Variants in IGF2BP2 observed in about 807,000 individuals in gnomAD.
IGF2BP2 encodes the protein insulin like growth factor 2 mRNA binding protein 2, also known as insulin-like growth factor 2 mRNA-binding protein 2.
Under a neutral mutation model 75.8 loss-of-function variants are expected in IGF2BP2, and 17 were observed. The ratio of observed to expected loss-of-function variants is 0.22; its 90% CI spans 0.15 to 0.34. IGF2BP2 has a LOEUF of 0.34. Ranked by LOEUF, IGF2BP2 falls within the 10% of genes least tolerant of loss-of-function variation. The pLI is 1.00. For synonymous variants in IGF2BP2, 288 were observed against 295.6 expected, an observed-to-expected ratio of 0.97 and a Z score of 0.26; for missense variants, 516 against 772.4, an observed-to-expected ratio of 0.67 and a Z score of 3.93.
At chr3:185,665,847 G>T (rs991624954) in intron 10 of IGF2BP2, among the ~76,000 whole-genome samples, 1 of 152,114 alleles carries the variant, frequency 6.6e-6, no homozygotes, top group South Asian at 2.1e-4. Flanking sequence ...CATGCCTGTA[G>T]TCCCAGCTAC....
chr3:185,718,840 C>T (rs993281239), intron 2 of IGF2BP2, among the ~76,000 whole-genome samples: 1 of 152,142 alleles, frequency 6.6e-6, no homozygotes. Context: ...GCAGAAGTGA[C>T]ACCAAGGTAA....
At chr3:185,668,504 G>GATATATATAT (rs199744636) in intron 10 of IGF2BP2, among the ~76,000 whole-genome samples, 3 of 123,026 alleles carry the variant, frequency 2.4e-5, no homozygotes, top group African/African-American at 9.6e-5. Context: ...GAGAGAGAGA[G>GATATATATAT]AGAGATATAT....
intron 2 of IGF2BP2, among the ~76,000 whole-genome samples, chr3:185,782,365 C>T (rs1049924765): frequency 5.3e-5 from 8 of 152,044 alleles, no homozygotes; most frequent in African/African-American, 1.9e-4. Flanking sequence ...CAAAATCTAC[C>T]CCTTTTCCTC....
At chr3:185,689,967 C>CAAAAAAAAAAAAAAAAAAAA (rs5855070) in intron 5 of IGF2BP2, among the ~76,000 whole-genome samples, 1 of 118,218 alleles carries the variant, frequency 8.5e-6, no homozygotes, top group Non-Finnish European at 1.8e-5. Flanking sequence ...GACTCCGTCT[C>CAAAAAAAAAAAAAAAAAAAA]AAAAAAAAAA....
chr3:185,777,515 T>C (rs1437055113), intron 2 of IGF2BP2, among the ~76,000 whole-genome samples: 1 of 151,428 alleles, frequency 6.6e-6, no homozygotes, highest in Non-Finnish European at 1.5e-5. Flanking sequence ...AATAACAAAA[T>C]CACCAAACTT....
chr3:185,807,439 C>G (rs1440459626), intron 2 of IGF2BP2, among the ~76,000 whole-genome samples: 21 of 152,146 alleles, frequency 1.4e-4, no homozygotes, highest in Admixed American at 1.4e-3. Context: ...ATTCAGTAAT[C>G]AGTAATTATT....
intron 2 of IGF2BP2, among the ~76,000 whole-genome samples, chr3:185,812,803 G>C (rs1740082844): frequency 6.6e-6 from 1 of 152,102 alleles, no homozygotes; most frequent in Admixed American, 6.5e-5. Context: ...CATAAATTTG[G>C]CATCTCCTTG....
At chr3:185,729,611 C>T (rs1727864140) in intron 2 of IGF2BP2, 1 of 152,160 alleles carries the variant, frequency 6.6e-6, no homozygotes, top group African/African-American at 2.4e-5. Context: ...TATAATGCTA[C>T]AAAACCCTGC....
chr3:185,704,203 C>T (rs974405296), intron 2 of IGF2BP2, among the ~76,000 whole-genome samples: 9 of 152,180 alleles, frequency 5.9e-5, no homozygotes, highest in African/African-American at 1.9e-4. Context: ...GTATGCTAAC[C>T]GGCCCCGAGC....
Position 185,687,210 on chromosome 3 carries a change from G to A in IGF2BP2, c.678-19C>T, listed in dbSNP as rs886204018. ...ATCTACCCTGTAGGAAAAGAATCAGGAGCCATGATTACAAGGTCATCTGGA... is the reference window on the plus strand; with the variant it reads ...ATCTACCCTGTAGGAAAAGAATCAGAAGCCATGATTACAAGGTCATCTGGA... On this transcript the variant is annotated intron_variant, in intron 6 of 15. Coordinates refer to ENST00000382199, the MANE Select transcript of IGF2BP2 (RefSeq NM_006548.6). 6.3e-7 allele frequency: 1 copy of A among 1,593,258 alleles called. No individual in the cohort carries two copies. The highest frequency in any genetic ancestry group is 8.5e-7 in the Non-Finnish European group (1 of 1,174,132).
chr3:185,807,201 C>T (rs1280580174), intron 2 of IGF2BP2, among the ~76,000 whole-genome samples: 2 of 151,962 alleles, frequency 1.3e-5, no homozygotes, highest in Non-Finnish European at 2.9e-5. Context: ...AGAAAGGGAA[C>T]AATTAAACTG....
intron 2 of IGF2BP2, among the ~76,000 whole-genome samples, chr3:185,771,935 C>T (rs1468686061): frequency 2.0e-5 from 3 of 152,104 alleles, no homozygotes; most frequent in South Asian, 2.1e-4. Context: ...TATCCTGGAA[C>T]CCTGTCACTG....
intron 2 of IGF2BP2, among the ~76,000 whole-genome samples, chr3:185,798,449 CTG>C (rs1215531371): frequency 2.0e-5 from 3 of 152,328 alleles, no homozygotes; most frequent in African/African-American, 7.2e-5. Context: ...ATTCAGGAAA[CTG>C]TGTTTCTATG....
intron 10 of IGF2BP2, among the ~76,000 whole-genome samples, chr3:185,660,552 G>T (rs1025301670): frequency 6.6e-6 from 1 of 152,164 alleles, no homozygotes; most frequent in Non-Finnish European, 1.5e-5. Flanking sequence ...CACTTAACAC[G>T]GCTGTAGTGA....
intron 10 of IGF2BP2, among the ~76,000 whole-genome samples, chr3:185,672,316 T>C (rs992177906): frequency 3.3e-5 from 5 of 152,240 alleles, no homozygotes; most frequent in African/African-American, 7.2e-5. Flanking sequence ...TTGCTAGTTA[T>C]GACATACTAT....
intron 2 of IGF2BP2, among the ~76,000 whole-genome samples, chr3:185,806,209 C>G (rs1260353775): frequency 1.3e-5 from 2 of 152,142 alleles, no homozygotes; most frequent in Non-Finnish European, 2.9e-5. Flanking sequence ...TATCATTTGA[C>G]TGTTTTGTGA....
In IGF2BP2 at chr3:185,821,637, A is replaced by AT. The variant is rs58917979; in HGVS notation, c.239+1515dup. ...CACCAACTAAGATAAAATTCTAGTA[A>AT]TTTTTTTTTTTACTAATTATAACCC... On this transcript the variant is annotated intron_variant, in intron 2 of 15. Transcript: ENST00000382199. 5.6e-3 allele frequency among the ~76,000 whole-genome samples: 829 copies of AT among 149,224 alleles called. 11 individuals are homozygous for AT. The highest frequency in any genetic ancestry group is 0.046 in the East Asian group (235 of 5,132).
chr3:185,673,421 G>A (rs376763697), intron 9 of IGF2BP2, among the ~76,000 whole-genome samples: 6 of 152,190 alleles, frequency 3.9e-5, no homozygotes, highest in Non-Finnish European at 2.9e-5. Flanking sequence ...TCCCACATAC[G>A]TAAACTCCAT....
At chr3:185,687,022 C>T in intron 7 of IGF2BP2, 35 bp downstream of exon 7, 2 of 1,597,316 alleles carry the variant, frequency 1.3e-6, no homozygotes, top group Non-Finnish European at 8.5e-7. Context: ...CTCTTTTTCT[C>T]TGTTGAGTGA....
Sources: gnomAD v4.1 joint callset for allele counts (sites outside exome capture counted in the v4.1 genomes callset) on GRCh38, gnomAD v4.1.1 for gene constraint, MANE v1.5 for transcripts, NCBI Gene and HGNC (gene_info 2026-07-23, HGNC 2026-07-21) for gene names.